Variants in LOXHD1 observed in about 807,000 individuals in gnomAD.
The protein encoded by LOXHD1 is lipoxygenase homology domain-containing protein 1.
Under a neutral mutation model 248.2 loss-of-function variants are expected in LOXHD1, and 205 were observed. The ratio of observed to expected loss-of-function variants is 0.83; its 90% CI spans 0.74 to 0.93. LOXHD1 has a LOEUF of 0.93. Ranked by LOEUF, LOXHD1 falls within the 40% of genes least tolerant of loss-of-function variation. LOXHD1 has a pLI of 0.00. For missense variants in LOXHD1, 2,930 were observed against 2,971.6 expected, an observed-to-expected ratio of 0.99 and a Z score of 0.33; for synonymous variants, 1,113 against 1,162.8, an observed-to-expected ratio of 0.96 and a Z score of 0.87.
Position 46,509,732 on chromosome 18 carries a change from C to A in LOXHD1, c.5483G>T (p.Gly1828Val), listed in dbSNP as rs1223274934. The A allele has an allele frequency of 1.9e-6, 3 of 1,551,492 alleles. No homozygotes were observed. The highest frequency in any genetic ancestry group is 2.6e-6 in the Non-Finnish European group (3 of 1,146,976). ...GAACCACTCCGGCCGACTGCCCAGG[C>A]CATCAATCCGGATCCGCATCTTGGT... ...PFTKMRIRID[G>V]LGSRPEWFLE... The change falls in exon 35 of 41, where the codon GGC becomes GTC. Residue 1828 changes from glycine (G) to valine (V), a missense_variant. Coordinates refer to ENST00000642948, the MANE Select transcript of LOXHD1 (RefSeq NM_001384474.1).
intron 4 of LOXHD1, 124 bp downstream of exon 4, chr18:46,639,492 G>A (rs2038935440): frequency 1.7e-6 from 2 of 1,165,976 alleles, no homozygotes; most frequent in Admixed American, 2.8e-5. Context: ...CCAACAGGAA[G>A]GCCCTGGAGG....
At chr18:46,639,891 G>C in intron 3 of LOXHD1, 91 bp from the exon 4 acceptor site, 1 of 1,436,952 alleles carries the variant, frequency 7.0e-7, no homozygotes, top group East Asian at 2.5e-5. Context: ...ACTCCAAAGA[G>C]AGGTCCAATT....
chr18:46,632,236 TA>T (rs751074963), intron 4 of LOXHD1, among the ~76,000 whole-genome samples: 17 of 152,080 alleles, frequency 1.1e-4, no homozygotes, highest in Non-Finnish European at 2.2e-4. Flanking sequence ...TAGGAGGTGG[TA>T]GGGGTGGGAT....
At chr18:46,497,400 C>T (rs974542879) in intron 37 of LOXHD1, among the ~76,000 whole-genome samples, 11 of 152,106 alleles carry the variant, frequency 7.2e-5, no homozygotes, top group Admixed American at 6.5e-4. Context: ...ATTGGAGTCA[C>T]GTTTTTGCAT....
chr18:46,558,994 C>T (rs1480037608), intron 20 of LOXHD1: 2 of 523,312 alleles, frequency 3.8e-6, no homozygotes, highest in Non-Finnish European at 6.6e-6. Context: ...CCCATTTCCA[C>T]CTCCATATCT....
intron 12 of LOXHD1, among the ~76,000 whole-genome samples, chr18:46,584,574 T>A (rs1423058479): frequency 5.9e-5 from 9 of 151,912 alleles, no homozygotes; most frequent in Admixed American, 5.9e-4. Context: ...ATTAGTAATT[T>A]AAAAAAAACC....
chr18:46,560,284 C>A lies in LOXHD1; in HGVS notation c.2860G>T (p.Glu954Ter), dbSNP rs2037491872. ...KGSDEEDEGE[E>*]EESSSSEESS... ...TCCTCTGATGAGGACGACTCCTCTT[C>A]CTCCCCCTCGTCCTCTTCGTCGCTG... The change falls in exon 19 of 41, where the codon GAA (glutamate) becomes TAA (stop). Residue 954 changes from glutamate to a stop codon, truncating the protein, a stop_gained. Transcript: ENST00000642948. LOFTEE classifies it high-confidence loss of function. 1 of 1,548,984 alleles carries A rather than the reference C, an allele frequency of 6.5e-7. No individual in the cohort carries two copies. The highest frequency in any genetic ancestry group is 2.0e-5 in the Admixed American group (1 of 50,928).
intron 4 of LOXHD1, among the ~76,000 whole-genome samples, chr18:46,624,398 C>T (rs1023694810): frequency 6.6e-6 from 1 of 152,218 alleles, no homozygotes; most frequent in African/African-American, 2.4e-5. Flanking sequence ...CTCAAGCCCA[C>T]ACAGATGTGG....
At chr18:46,485,240 T>G (rs1011761510) in intron 38 of LOXHD1, 89 bp from the exon 39 acceptor site, 3 of 1,468,430 alleles carry the variant, frequency 2.0e-6, no homozygotes, top group Non-Finnish European at 2.8e-6. Flanking sequence ...CCTCCGGTCC[T>G]TCATTTGATC....
chr18:46,524,104 C>T (rs1024697635), intron 31 of LOXHD1, among the ~76,000 whole-genome samples: 3 of 152,184 alleles, frequency 2.0e-5, no homozygotes, highest in African/African-American at 7.2e-5. Flanking sequence ...AGAAATGGAA[C>T]TTCAGTCCCC....
chr18:46,541,691 T>C (rs1289636420), intron 25 of LOXHD1, 85 bp downstream of exon 25: 30 of 1,469,328 alleles, frequency 2.0e-5, no homozygotes, highest in Non-Finnish European at 2.5e-5. Flanking sequence ...CCACAGTCAA[T>C]CCTGAAGGAA....
chr18:46,609,158 T>C (rs1020993287), intron 6 of LOXHD1, among the ~76,000 whole-genome samples: 1 of 152,192 alleles, frequency 6.6e-6, no homozygotes, highest in Non-Finnish European at 1.5e-5. Context: ...ATAGATAAGA[T>C]GCCTAGAGAT....
chr18:46,476,974 C>T (rs191449978), downstream of LOXHD1: 1 of 577,194 alleles, frequency 1.7e-6, no homozygotes, highest in African/African-American at 1.9e-5. Flanking sequence ...GGTTTTTCTC[C>T]ACTTGCCACT....
chr18:46,598,967 T>C (rs1489291236), intron 8 of LOXHD1, among the ~76,000 whole-genome samples: 2 of 152,100 alleles, frequency 1.3e-5, no homozygotes, highest in Non-Finnish European at 2.9e-5. Flanking sequence ...GAAGGGTAAA[T>C]GGTTATGAAT....
chr18:46,563,212 C>T lies in LOXHD1; in HGVS notation c.2451G>A (p.Glu817=). 1 of 1,509,222 alleles carries T rather than the reference C, an allele frequency of 6.6e-7. No homozygotes were observed. Among genetic ancestry groups the T allele is most frequent in the Non-Finnish European group, 9.0e-7 (1 of 1,113,382 alleles). The allele number at this position is 1,509,222 out of a possible 1,614,324, so 93.5% of individuals were successfully genotyped here. ...VVEIQKLVHY[E]VEIWTGDVGG... is the part of the protein sequence containing the mutation. The stretch of plus-strand genomic sequence containing the variant: ...CCACATCTCCTGTCCAAATCTCAAC[C>T]TCATAGTGGACCACTGGGTGGGCAC... Residue 817 remains glutamate (E), a synonymous_variant, in exon 18 of 41, where the codon GAG becomes GAA. Transcript: ENST00000642948.
Position 46,560,416 on chromosome 18 carries a change from G to A in LOXHD1, c.2728C>T (p.Pro910Ser). 1 of 1,548,350 alleles carries A rather than the reference G, an allele frequency of 6.5e-7. No homozygotes were observed. The highest frequency in any genetic ancestry group is 8.7e-7 in the Non-Finnish European group (1 of 1,147,378). Residue 910 changes from proline to serine, a missense_variant, in exon 19 of 41, where the codon CCG (proline) becomes TCG (serine). Pro to Ser is a moderately conservative substitution (Grantham distance 74). Coordinates refer to ENST00000642948, the MANE Select transcript of LOXHD1 (RefSeq NM_001384474.1). ...TTCTTCTTCCGGGCCTCCTCCTCCG[G>A]CGTGAGGTCCACCTCCCGCACCACC... ...HLVVREVDLT[P>S]EEEARKKKEK...
At chr18:46,633,695 G>C (rs572233135) in intron 4 of LOXHD1, among the ~76,000 whole-genome samples, 2 of 152,310 alleles carry the variant, frequency 1.3e-5, no homozygotes, top group South Asian at 4.1e-4. Flanking sequence ...CATCGAATGG[G>C]AGAAAAATAT....
intron 40 of LOXHD1, among the ~76,000 whole-genome samples, chr18:46,480,383 C>G (rs961961132): frequency 6.6e-6 from 1 of 152,178 alleles, no homozygotes. Flanking sequence ...TCAGTGTTCC[C>G]TTTACAAAAC....
chr18:46,518,872 T>TCAC, intron 33 of LOXHD1: 1 of 985,704 alleles, frequency 1.0e-6, no homozygotes, highest in Non-Finnish European at 1.2e-6. Flanking sequence ...TCGGGAGTGA[T>TCAC]TCTTACAGAG....
Sources: allele counts gnomAD v4.1 joint callset (sites outside exome capture counted in the v4.1 genomes callset), GRCh38; gene constraint gnomAD v4.1.1; transcripts MANE v1.5; gene names NCBI Gene and HGNC (gene_info 2026-07-23, HGNC 2026-07-21).